RHBDD1: variants seen among roughly 807,000 people sequenced by gnomAD.
RHBDD1 encodes rhomboid domain containing 1.
A neutral mutation model predicts 36.3 loss-of-function variants in RHBDD1; 38 were observed. The observed-to-expected ratio is 1.05, with a 90% CI of 0.81 to 1.37. The LOEUF (loss-of-function observed/expected upper bound fraction) is 1.37, where lower values mean the gene tolerates loss of function less well. Ranked by LOEUF, RHBDD1 falls within the 40% of genes most tolerant of loss-of-function variation. The probability of loss-of-function intolerance (pLI) is 0.00; values close to 1 mark genes in which losing one functional copy is unlikely to be tolerated. For synonymous variants in RHBDD1, 151 were observed against 136.5 expected (o/e 1.11, Z -0.74); for missense variants, 393 against 377.6 (o/e 1.04, Z -0.34).
rs1959147095 is a variant in RHBDD1 at position 226,995,289 on chromosome 2, T to C, written c.857-142T>C. ...TGAAATTTAGTACTGACAGCTGAAG[T>C]TGAAAAATCTTTGTTATATTTCTGT... On this transcript the variant is annotated intron_variant, in intron 8 of 8. Coordinates refer to ENST00000392062, the MANE Select transcript of RHBDD1 (RefSeq NM_001167608.3). 7 of 649,310 alleles carry C rather than the reference T, an allele frequency of 1.1e-5. No individual in the cohort carries two copies. The Admixed American group carries it at 1.2e-4, about 11-fold the overall frequency. The allele number at this position is 649,310 out of a possible 1,614,324, so 40.2% of individuals were successfully genotyped here.
At chr2:226,816,541 T>C in the RHBDD1 span, among the ~76,000 whole-genome samples, 1 of 152,104 alleles carries the variant, frequency 6.6e-6, no homozygotes, top group Non-Finnish European at 1.5e-5. Flanking sequence ...ATGAATAATC[T>C]CTTAAACTAT....
chr2:226,897,584 C>T (rs1947211202), intron 5 of RHBDD1, among the ~76,000 whole-genome samples: 2 of 152,286 alleles, frequency 1.3e-5, no homozygotes, highest in Admixed American at 6.5e-5. Flanking sequence ...AGGCTACTTC[C>T]ACTCATGGTG....
At chr2:226,939,335 A>G (rs1950530740) in intron 8 of RHBDD1, among the ~76,000 whole-genome samples, 1 of 152,210 alleles carries the variant, frequency 6.6e-6, no homozygotes, top group Admixed American at 6.5e-5. Flanking sequence ...AAGTCAAACT[A>G]TCTTTGTTTG....
At chr2:226,938,059 A>G (rs572376487) in intron 8 of RHBDD1, among the ~76,000 whole-genome samples, 2 of 152,336 alleles carry the variant, frequency 1.3e-5, no homozygotes, top group South Asian at 2.1e-4. Context: ...ATTCCCACCA[A>G]CAGTGTAAAA....
chr2:226,860,490 G>A lies in RHBDD1; in HGVS notation c.-90-4114G>A, dbSNP rs111935883. Among the ~76,000 whole-genome samples the A allele has an allele frequency of 7.3e-3, 1,104 of 152,264 alleles. 6 individuals carry two copies. The highest frequency in any genetic ancestry group is 0.01 in the Non-Finnish European group (699 of 68,024). Reference sequence around the variant, plus strand: ...TAACAATATTCATTTTATAGTCAGTGCTCACTTATTGTGATCTGTCTTCCT... The same window carrying A: ...TAACAATATTCATTTTATAGTCAGTACTCACTTATTGTGATCTGTCTTCCT... On this transcript the variant is annotated intron_variant, in intron 3 of 8. Coordinates refer to ENST00000392062, the MANE Select transcript of RHBDD1 (RefSeq NM_001167608.3).
At chr2:226,965,655 G>T (rs1952566945) in intron 8 of RHBDD1, among the ~76,000 whole-genome samples, 1 of 152,172 alleles carries the variant, frequency 6.6e-6, no homozygotes, top group South Asian at 2.1e-4. Context: ...CTGGAAAGTT[G>T]AAAGTAGTTC....
At chr2:226,866,092 A>T (rs573926212) in intron 4 of RHBDD1, among the ~76,000 whole-genome samples, 2 of 94,512 alleles carry the variant, frequency 2.1e-5, no homozygotes, top group African/African-American at 8.7e-5. Flanking sequence ...TTTTTTTGAG[A>T]CGGAGTCTCG....
intron 8 of RHBDD1, among the ~76,000 whole-genome samples, chr2:226,985,685 A>G (rs1357309196): frequency 6.6e-6 from 1 of 152,238 alleles, no homozygotes; most frequent in Non-Finnish European, 1.5e-5. Context: ...AGCCCACCCA[A>G]TCAGCAACTA....
chr2:226,839,750 C>G (rs1431199422), intron 3 of RHBDD1, 123 bp downstream of exon 3: 1 of 151,314 alleles, frequency 6.6e-6, no homozygotes, highest in Non-Finnish European at 1.5e-5. Context: ...ACCCACCTGA[C>G]CCGTATTTTA....
chr2:226,817,164 AAT>A, the RHBDD1 span, among the ~76,000 whole-genome samples: 1 of 152,174 alleles, frequency 6.6e-6, no homozygotes, highest in Non-Finnish European at 1.5e-5. Flanking sequence ...TACGCCTAGT[AAT>A]ATGTTTATTC....
chr2:226,981,441 A>C (rs1366671085), intron 8 of RHBDD1, among the ~76,000 whole-genome samples: 1 of 151,996 alleles, frequency 6.6e-6, no homozygotes, highest in African/African-American at 2.4e-5. Context: ...ACTTCAAAAA[A>C]AAAAAAAAGA....
At chr2:226,914,445 C>G in intron 8 of RHBDD1, 94 bp downstream of exon 8, 2 of 1,387,576 alleles carry the variant, frequency 1.4e-6, no homozygotes, top group East Asian at 2.4e-5. Context: ...AAATTTTAAA[C>G]AGTTCAGAAA....
At chr2:226,831,713 T>A (rs939665786), upstream of RHBDD1, among the ~76,000 whole-genome samples, 31 of 152,226 alleles carry the variant, frequency 2.0e-4, 1 homozygote, top group Non-Finnish European at 2.8e-4. Flanking sequence ...TACTTTTTTT[T>A]TTTTTTACAA....
At chr2:226,953,637 A>G (rs1230971782) in intron 8 of RHBDD1, among the ~76,000 whole-genome samples, 1 of 152,226 alleles carries the variant, frequency 6.6e-6, no homozygotes, top group East Asian at 1.9e-4. Flanking sequence ...TAAGTTCTTC[A>G]GGAAGCAGTA....
chr2:226,876,590 A>G (rs1350202817), intron 5 of RHBDD1, among the ~76,000 whole-genome samples: 5 of 152,222 alleles, frequency 3.3e-5, no homozygotes, highest in South Asian at 2.1e-4. Flanking sequence ...CAGCTAGTCC[A>G]TTGGATAGCC....
At chr2:226,953,680 A>G (rs1452195243) in intron 8 of RHBDD1, among the ~76,000 whole-genome samples, 1 of 152,244 alleles carries the variant, frequency 6.6e-6, no homozygotes, top group Non-Finnish European at 1.5e-5. Context: ...GCTATTCTCC[A>G]GCTACCTTAA....
chr2:226,868,359 CT>C (rs1163850848), intron 5 of RHBDD1, among the ~76,000 whole-genome samples: 2 of 152,218 alleles, frequency 1.3e-5, no homozygotes, highest in Non-Finnish European at 1.5e-5. Flanking sequence ...TTCAGGCCCC[CT>C]GACTCCTGTC....
intron 3 of RHBDD1, among the ~76,000 whole-genome samples, chr2:226,858,437 A>G (rs1943536297): frequency 6.6e-6 from 1 of 152,166 alleles, no homozygotes; most frequent in Admixed American, 6.6e-5. Context: ...AAGACTCTGT[A>G]GTTCCTGTCT....
chr2:226,935,702 TGAG>T (rs1170687987), intron 8 of RHBDD1, among the ~76,000 whole-genome samples: 22 of 152,088 alleles, frequency 1.4e-4, no homozygotes, highest in African/African-American at 5.3e-4. Context: ...TCCATGATTC[TGAG>T]GAGAACATAG....
Sources: gnomAD v4.1 joint callset for allele counts (sites outside exome capture counted in the v4.1 genomes callset) on GRCh38, gnomAD v4.1.1 for gene constraint, MANE v1.5 for transcripts, NCBI Gene and HGNC (gene_info 2026-07-23, HGNC 2026-07-21) for gene names.